Variants in GNA15 observed in about 807,000 individuals in gnomAD.
The protein encoded by GNA15 is guanine nucleotide-binding protein subunit alpha-15.
GNA15 carries 23 observed loss-of-function variants against 40.1 expected under a neutral mutation model. That is an observed-to-expected ratio of 0.57 (90% CI 0.41 to 0.81). The LOEUF (loss-of-function observed/expected upper bound fraction) is 0.81, where lower values mean the gene tolerates loss of function less well. GNA15 is among the 40% of genes least tolerant of loss of function. The probability of loss-of-function intolerance (pLI) is 0.00; values close to 1 mark genes in which losing one functional copy is unlikely to be tolerated. For synonymous variants in GNA15, 226 were observed against 210.4 expected, an observed-to-expected ratio of 1.07 and a Z score of -0.64; for missense variants, 522 against 515.8, an observed-to-expected ratio of 1.01 and a Z score of -0.12.
In GNA15 at chr19:3,147,550, AAAAAAAG is replaced by A. The variant is rs1210272067; in HGVS notation, c.146-1034_146-1028del. On this transcript the variant is annotated intron_variant, in intron 1 of 6. Coordinates refer to ENST00000262958, the MANE Select transcript of GNA15 (RefSeq NM_002068.4). ...CCTGGGCAACAGAGAATCTGTCTAA[AAAAAAAG>A]AAAAAAAGAAAAAAGAAAAAAACCC... Among the ~76,000 whole-genome samples, 224 of 90,994 alleles carry A rather than the reference AAAAAAAG, an allele frequency of 2.5e-3. 3 individuals carry two copies. Among genetic ancestry groups the A allele is most frequent in the African/African-American group, 7.5e-3 (187 of 25,006 alleles). The allele number at this position is 90,994 out of a possible 152,430, so 59.7% of individuals were successfully genotyped here.
chr19:3,156,198 A>ACTACAGTG (rs1255855621), intron 5 of GNA15, among the ~76,000 whole-genome samples: 9,642 of 145,842 alleles, frequency 0.066, 365 homozygotes, highest in African/African-American at 0.12. Context: ...ACACACACAC[A>ACTACAGTG]CACACTACAG....
rs1326276918 is a variant in GNA15, at chr19:3,150,247, G to C, written c.447G>C (p.Glu149Asp). The C allele has an allele frequency of 6.2e-7, 1 of 1,607,246 alleles. No homozygotes were observed. Among genetic ancestry groups the C allele is most frequent in the Non-Finnish European group, 8.5e-7 (1 of 1,177,032 alleles). ...WRDAGIRACY[E>D]RRREFHLLDS... ...ATGCCGGCATCCGGGCCTGCTATGA[G>C]CGTCGGCGGGAATTCCACCTGCTCG... The change falls in exon 3 of 7, where the codon GAG (glutamate) becomes GAC (aspartate). Residue 149 changes from glutamate (E) to aspartate (D), a missense_variant. Coordinates refer to ENST00000262958, the MANE Select transcript of GNA15 (RefSeq NM_002068.4).
At position 3,163,065 on chromosome 19, in the gene GNA15, G is replaced by A. The variant is rs1915177248; in HGVS notation, c.*46G>A. On this transcript the variant is annotated 3_prime_UTR_variant, in exon 7 of 7. Coordinates refer to ENST00000262958, the MANE Select transcript of GNA15 (RefSeq NM_002068.4). ...GGCGGCACCGGCGGGCGGGTGGGAG[G>A]TGGGAGTGGCTGCAGGGACCCCTAG... 2 of 1,281,320 alleles carry A rather than the reference G, an allele frequency of 1.6e-6. No individual in the cohort carries two copies. The highest frequency in any genetic ancestry group is 1.5e-5 in the African/African-American group (1 of 68,400). The allele number at this position is 1,281,320 out of a possible 1,614,324, so 79.4% of individuals were successfully genotyped here.
At chr19:3,158,660 C>T (rs940333560) in intron 6 of GNA15, among the ~76,000 whole-genome samples, 1 of 152,054 alleles carries the variant, frequency 6.6e-6, no homozygotes, top group Non-Finnish European at 1.5e-5. Flanking sequence ...CTCACTCTGT[C>T]ACCCAGGCTG....
intron 5 of GNA15, among the ~76,000 whole-genome samples, chr19:3,156,638 A>G (rs988927134): frequency 2.0e-5 from 3 of 150,526 alleles, no homozygotes; most frequent in East Asian, 1.9e-4. Flanking sequence ...GATTACAGGC[A>G]CCCGCCACCA....
chr19:3,149,652 G>C (rs1367938119), intron 2 of GNA15: 1 of 161,112 alleles, frequency 6.2e-6, no homozygotes, highest in East Asian at 1.9e-4. Flanking sequence ...TGAGCAACGC[G>C]AGTGCCTGGG....
intron 6 of GNA15, 133 bp from the exon 7 acceptor site, chr19:3,162,660 A>C: frequency 6.4e-6 from 4 of 626,728 alleles, no homozygotes; most frequent in South Asian, 1.9e-5. Flanking sequence ...CAAAAGATGG[A>C]GTCAACGCAC....
At chr19:3,139,665 C>T (rs887196384) in intron 1 of GNA15, among the ~76,000 whole-genome samples, 4 of 151,344 alleles carry the variant, frequency 2.6e-5, no homozygotes, top group Non-Finnish European at 4.4e-5. Flanking sequence ...TTTGGGAGGC[C>T]GAGGTGGGCA....
intron 1 of GNA15, chr19:3,142,459 A>G (rs1450333754): frequency 6.6e-6 from 1 of 152,228 alleles, no homozygotes; most frequent in Non-Finnish European, 1.5e-5. Flanking sequence ...GGAAAAAAAA[A>G]TCAGTGCATC....
intron 5 of GNA15, 129 bp from the exon 6 acceptor site, chr19:3,157,599 C>T: frequency 5.3e-6 from 4 of 761,158 alleles, no homozygotes; most frequent in Non-Finnish European, 6.6e-6. Context: ...GCACACCCGC[C>T]TCAGCCCCAG....
chr19:3,150,252 G>A lies in GNA15; in HGVS notation c.452G>A (p.Arg151Gln). The A allele has an allele frequency of 1.2e-6, 2 of 1,605,854 alleles. No homozygotes were observed. Among genetic ancestry groups the A allele is most frequent in the Non-Finnish European group, 1.7e-6 (2 of 1,176,386 alleles). ...GGCATCCGGGCCTGCTATGAGCGTC[G>A]GCGGGAATTCCACCTGCTCGATTCA... ...DAGIRACYERRREFHLLDSAV... is the reference protein window; with the variant it reads ...DAGIRACYERQREFHLLDSAV... Residue 151 changes from arginine (R) to glutamine (Q), a missense_variant, in exon 3 of 7, where the codon CGG becomes CAG. Physicochemically the swap from Arg to Gln is conservative, Grantham distance 43 (BLOSUM62 1). Coordinates refer to ENST00000262958, the MANE Select transcript of GNA15 (RefSeq NM_002068.4).
rs948856872 is a variant in GNA15, at chr19:3,148,892, GC to G, written c.330+118del. Reference sequence around the variant, plus strand: ...TCAGGGCAGGGCAGGGCAGGGCAGGGCAGGCAGGGAAGGGTCCCCAGACCCT... The same window carrying G: ...TCAGGGCAGGGCAGGGCAGGGCAGGGAGGCAGGGAAGGGTCCCCAGACCCT... On this transcript the variant is annotated intron_variant, in intron 2 of 6. Transcript: ENST00000262958. The G allele has an allele frequency of 2.7e-6, 3 of 1,104,014 alleles. No homozygotes were observed. The African/African-American group carries it at 4.7e-5, about 17-fold the overall frequency. 68.4% of individuals were successfully genotyped at this position (1,104,014 alleles called of 1,614,324 possible).
At position 3,162,952 on chromosome 19, in the gene GNA15, G is replaced by A; in HGVS notation, c.1058G>A (p.Arg353His). 6.2e-7 allele frequency: 1 copy of A among 1,614,078 alleles called. No homozygotes were observed. The highest frequency in any genetic ancestry group is 8.5e-7 in the Non-Finnish European group (1 of 1,179,936). ...YTCATDTQNI[R>H]KVFKDVRDSV... Reference sequence around the variant, plus strand: ...TGTGCCACAGACACACAGAACATCCGCAAGGTCTTCAAGGACGTGCGGGAC... The same window carrying A: ...TGTGCCACAGACACACAGAACATCCACAAGGTCTTCAAGGACGTGCGGGAC... The change falls in exon 7 of 7, where the codon CGC (arginine) becomes CAC (histidine). Residue 353 changes from arginine to histidine, a missense_variant. By Grantham distance (29) the Arg-to-His change is conservative. Transcript: ENST00000262958.
At position 3,148,681 on chromosome 19, in the gene GNA15, G is replaced by A. The variant is rs377345709; in HGVS notation, c.236G>A (p.Arg79Gln). Residue 79 changes from arginine (R) to glutamine (Q), a missense_variant, in exon 2 of 7, where the codon CGG (arginine) becomes CAG (glutamine). Coordinates refer to ENST00000262958, the MANE Select transcript of GNA15 (RefSeq NM_002068.4). ...GYSEEERKGF[R>Q]PLVYQNIFVS... is the part of the protein sequence containing the mutation. ...TCGGAGGAGGAGCGCAAGGGCTTCC[G>A]GCCCCTGGTCTACCAGAACATCTTC... is the stretch of plus-strand genomic sequence containing the variant. The A allele has an allele frequency of 1.3e-5, 20 of 1,595,894 alleles. No homozygotes were observed. Among genetic ancestry groups the A allele is most frequent in the Admixed American group, 1.7e-5 (1 of 57,240 alleles).
At chr19:3,147,678 G>A (rs1318269197) in intron 1 of GNA15, among the ~76,000 whole-genome samples, 3 of 151,824 alleles carry the variant, frequency 2.0e-5, no homozygotes, top group Non-Finnish European at 4.4e-5. Flanking sequence ...AGGCCGAGGC[G>A]GGTGGATCAC....
intron 1 of GNA15, 100 bp from the exon 2 acceptor site, chr19:3,148,491 G>T (rs553842727): frequency 8.2e-7 from 1 of 1,214,090 alleles, no homozygotes; most frequent in East Asian, 2.6e-5. Flanking sequence ...TTTGAACCCA[G>T]GAGGCCTGGC....
At chr19:3,146,075 T>C (rs1914714979) in intron 1 of GNA15, among the ~76,000 whole-genome samples, 1 of 151,972 alleles carries the variant, frequency 6.6e-6, no homozygotes, top group South Asian at 2.1e-4. Flanking sequence ...TCCCATTTCC[T>C]CTTTCTGGGC....
chr19:3,141,177 C>T (rs1023890864), intron 1 of GNA15, among the ~76,000 whole-genome samples: 1 of 151,926 alleles, frequency 6.6e-6, no homozygotes, highest in Non-Finnish European at 1.5e-5. Flanking sequence ...AGCCGTGAGC[C>T]GGGTATGGTG....
Position 3,157,959 on chromosome 19 carries a change from T to C in GNA15, c.898+78T>C, listed in dbSNP as rs969319407. ...AGAGAGATGCTAATCCAGACTCTAC[T>C]TCAGCCTGGAGTCACCGGAACTTTC... On this transcript the variant is annotated intron_variant, in intron 6 of 6. Coordinates refer to ENST00000262958, the MANE Select transcript of GNA15 (RefSeq NM_002068.4). 4.2e-6 allele frequency: 5 copies of C among 1,194,488 alleles called. No individual in the cohort carries two copies. The African/African-American group carries it at 7.5e-5, about 18-fold the overall frequency. The allele number at this position is 1,194,488 out of a possible 1,614,324, so 74.0% of individuals were successfully genotyped here.
Sources: allele counts gnomAD v4.1 joint callset (sites outside exome capture counted in the v4.1 genomes callset), GRCh38; gene constraint gnomAD v4.1.1; transcripts MANE v1.5; gene names NCBI Gene and HGNC (gene_info 2026-07-23, HGNC 2026-07-21).